Variants in VRTN observed in about 807,000 individuals in gnomAD.
VRTN encodes the protein vertebrae development associated.
In VRTN, 5 loss-of-function variants were observed where a neutral mutation model predicts 18.2. That is an observed-to-expected ratio of 0.27 (90% CI 0.14 to 0.58). The LOEUF is 0.58. Ranked by LOEUF, VRTN falls within the 20% of genes least tolerant of loss-of-function variation. The pLI, the probability that VRTN is intolerant of heterozygous loss-of-function variation, is 0.91. For missense variants in VRTN, 741 were observed against 939.4 expected, an observed-to-expected ratio of 0.79 and a Z score of 2.76; for synonymous variants, 381 against 393.7, an observed-to-expected ratio of 0.97 and a Z score of 0.38.
upstream of VRTN, among the ~76,000 whole-genome samples, chr14:74,347,926 C>G (rs1249872127): frequency 6.6e-6 from 1 of 152,120 alleles, no homozygotes. Flanking sequence ...GGAGATGCAG[C>G]CTTTAGAGAA....
intron 1 of VRTN, among the ~76,000 whole-genome samples, chr14:74,312,173 A>G (rs938078971): frequency 6.6e-6 from 1 of 152,220 alleles, no homozygotes; most frequent in Non-Finnish European, 1.5e-5. Context: ...CTACAGAGGA[A>G]CTATATATCT....
chr14:74,339,099 A>G (rs1401370669), intron 2 of VRTN, among the ~76,000 whole-genome samples: 2 of 151,992 alleles, frequency 1.3e-5, no homozygotes, highest in Non-Finnish European at 2.9e-5. Flanking sequence ...CCTGGCCTCA[A>G]GTGATCCTCC....
At chr14:74,326,577 T>C (rs2036275580) in intron 1 of VRTN, among the ~76,000 whole-genome samples, 2 of 152,164 alleles carry the variant, frequency 1.3e-5, no homozygotes. Context: ...TCGCACCTGC[T>C]GGCAGCGGGG....
At chr14:74,343,821 G>A (rs2085624010), upstream of VRTN, among the ~76,000 whole-genome samples, 1 of 151,778 alleles carries the variant, frequency 6.6e-6, no homozygotes, top group African/African-American at 2.4e-5. Context: ...TTTTAAGACG[G>A]AGTCTCACTC....
intron 1 of VRTN, among the ~76,000 whole-genome samples, chr14:74,329,192 T>C (rs35876267): frequency 0.18 from 26,666 of 151,662 alleles, 3,010 homozygotes; most frequent in East Asian, 0.49. Flanking sequence ...GGAGAATCTC[T>C]TGAATCCAGG....
Position 74,335,941 on chromosome 14 carries a change from A to G in VRTN, c.-163-1782A>G, listed in dbSNP as rs376147741. On this transcript the variant is annotated intron_variant, in intron 1 of 2. Coordinates refer to the VRTN transcript ENST00000557177. ...TCTTTAGTAGAGATGGGGTTTCACC[A>G]TGTTGGCCAGGCTGGTCTCAAACTT... Among the ~76,000 whole-genome samples the G allele has an allele frequency of 1.1e-4, 17 of 151,658 alleles. No individual in the cohort carries two copies. The East Asian group carries it at 2.9e-3, about 26-fold the overall frequency.
chr14:74,309,679 A>G (rs1567037490), intron 1 of VRTN, among the ~76,000 whole-genome samples: 1 of 152,152 alleles, frequency 6.6e-6, no homozygotes, highest in Non-Finnish European at 1.5e-5. Context: ...CCTGGGCAAC[A>G]CAGCGAGACC....
At chr14:74,353,204 G>T (rs185942836) in intron 1 of VRTN, among the ~76,000 whole-genome samples, 2 of 152,118 alleles carry the variant, frequency 1.3e-5, no homozygotes, top group East Asian at 1.9e-4. Flanking sequence ...CAGGAGAATC[G>T]CTTGAACCCT....
At chr14:74,343,990 G>A (rs1384525505), upstream of VRTN, among the ~76,000 whole-genome samples, 1 of 150,934 alleles carries the variant, frequency 6.6e-6, no homozygotes, top group East Asian at 2.0e-4. Flanking sequence ...AGATGCGGGG[G>A]TTTCACCATG....
In VRTN at chr14:74,358,842, T is replaced by C; in HGVS notation, c.2059T>C (p.Tyr687His). The change falls in exon 2 of 2, where the codon TAC (tyrosine) becomes CAC (histidine). Residue 687 changes from tyrosine to histidine, a missense_variant. Physicochemically the swap from Tyr to His is moderately conservative, Grantham distance 83 (BLOSUM62 2). Around this residue, in one of 3 missense-constraint regions of VRTN, gnomAD observed 61 missense variants for 104.6 expected, o/e 0.58. Coordinates refer to ENST00000256362, the MANE Select transcript of VRTN (RefSeq NM_018228.3). This position sits in a 1 kb window ranked among gnomAD's most constrained non-coding sequence, Gnocchi z 5.4. ...TCCCCTCACTGCCCGCTCCACATAC[T>C]ACATGTGGAAGCGAGCCCTCTATGA... ...LFPLTARSTY[Y>H]MWKRALYDGL... is the part of the protein sequence containing the mutation. 1 of 1,614,082 alleles carries C rather than the reference T, an allele frequency of 6.2e-7. No homozygotes were observed. Among genetic ancestry groups the C allele is most frequent in the Non-Finnish European group, 8.5e-7 (1 of 1,179,966 alleles).
rs181325867 is a variant in VRTN at position 74,340,304 on chromosome 14, G to A, written c.-2+2420G>A. Among the ~76,000 whole-genome samples the A allele has an allele frequency of 5.6e-3, 854 of 152,248 alleles. 10 individuals carry two copies. The highest frequency in any genetic ancestry group is 0.019 in the African/African-American group (800 of 41,538). Reference sequence around the variant, plus strand: ...ATTTTGTATTTTTAGTAGAGACGGTGTTTCTCCATGTTGGTCAGGCTGGTC... The same window carrying A: ...ATTTTGTATTTTTAGTAGAGACGGTATTTCTCCATGTTGGTCAGGCTGGTC... On this transcript the variant is annotated intron_variant, in intron 2 of 2. Transcript: ENST00000557177.
At chr14:74,303,843 A>ATTTTTTTTTTTTTTTTTTTTTTTTTT (rs67822776) in intron 1 of VRTN, among the ~76,000 whole-genome samples, 2 of 88,500 alleles carry the variant, frequency 2.3e-5, no homozygotes, top group Non-Finnish European at 2.0e-5. Context: ...ACAATTACAG[A>ATTTTTTTTTTTTTTTTTTTTTTTTTT]TTTTTTTTTT....
At chr14:74,355,323 A>G (rs544308952) in intron 1 of VRTN, among the ~76,000 whole-genome samples, 2 of 152,260 alleles carry the variant, frequency 1.3e-5, no homozygotes, top group African/African-American at 4.8e-5. Context: ...ACCAGTGTCT[A>G]TTAGACTTTC....
In VRTN at chr14:74,336,121, A is replaced by G. The variant is rs116276600; in HGVS notation, c.-163-1602A>G. On this transcript the variant is annotated intron_variant, in intron 1 of 2. Transcript: ENST00000557177. The stretch of plus-strand genomic sequence containing the variant: ...ACAAAACTGAAGTGTGCAAAGTAAA[A>G]AAGCTGGCCAGGTGCGGTGGCTCAC... 6.4e-3 allele frequency among the ~76,000 whole-genome samples: 975 copies of G among 151,632 alleles called. 8 individuals are homozygous for G. The highest frequency in any genetic ancestry group is 0.02 in the African/African-American group (824 of 41,368).
chr14:74,331,042 A>C lies in VRTN; in HGVS notation c.-163-6681A>C, dbSNP rs1411943781. Among the ~76,000 whole-genome samples, 5 of 151,566 alleles carry C rather than the reference A, an allele frequency of 3.3e-5. No individual in the cohort carries two copies. In the South Asian group the frequency reaches 6.3e-4, roughly 19 times the overall value. On this transcript the variant is annotated intron_variant, in intron 1 of 2. Coordinates refer to the VRTN transcript ENST00000557177. ...GTGAAACCCCGTCTCTACTAAAAAAAATACAAAAAATTAGCTGGGCATGGT... is the reference window on the plus strand; with the variant it reads ...GTGAAACCCCGTCTCTACTAAAAAACATACAAAAAATTAGCTGGGCATGGT...
At chr14:74,345,158 T>G (rs1004559097), upstream of VRTN, among the ~76,000 whole-genome samples, 14 of 152,040 alleles carry the variant, frequency 9.2e-5, no homozygotes, top group African/African-American at 3.4e-4. Flanking sequence ...TTGATCCTCC[T>G]GCCTCAGCCC....
At chr14:74,312,703 A>G (rs1487413601) in intron 1 of VRTN, among the ~76,000 whole-genome samples, 2 of 140,998 alleles carry the variant, frequency 1.4e-5, no homozygotes, top group African/African-American at 2.7e-5. Flanking sequence ...TGCCTTCTTC[A>G]CTCTCCCTAA....
Position 74,355,396 on chromosome 14 carries a change from A to T in VRTN, c.-1-1387A>T, listed in dbSNP as rs116972878. 1.1e-3 allele frequency among the ~76,000 whole-genome samples: 168 copies of T among 152,266 alleles called. 4 individuals are homozygous for T. The East Asian group carries it at 0.027, about 25-fold the overall frequency. On this transcript the variant is annotated intron_variant, in intron 1 of 1. Transcript: ENST00000256362. ...AATTTATCAGAAAAGCAGAACAATC[A>T]TCCAATGGAGACATTCATCATACCT...
chr14:74,357,049 C>T lies in VRTN; in HGVS notation c.266C>T (p.Ala89Val), dbSNP rs1208336612. ...GGGGAGGGCAGCCTGCTGTTCGAGG[C>T]GGCCAGCATGCTGCTGTGGGGTGAC... ...CKGEGSLLFE[A>V]ASMLLWGDAG... Residue 89 changes from alanine (A) to valine (V), a missense_variant, in exon 2 of 2, where the codon GCG (alanine) becomes GTG (valine). Ala to Val is a moderately conservative substitution (Grantham distance 64, BLOSUM62 0). This residue lies in a region of VRTN where 186 missense variants were observed against 288.3 expected (regional missense o/e 0.65). Transcript: ENST00000256362. The surrounding 1 kb of genome is among the most constrained non-coding windows in gnomAD (Gnocchi z 7.8). 7 of 1,608,810 alleles carry T rather than the reference C, an allele frequency of 4.4e-6. No homozygotes were observed. Among genetic ancestry groups the T allele is most frequent in the Non-Finnish European group, 5.1e-6 (6 of 1,178,048 alleles).
Sources: gnomAD v4.1 joint callset for allele counts (sites outside exome capture counted in the v4.1 genomes callset) on GRCh38, gnomAD v4.1.1 for gene constraint, gnomAD v4.1.1 regional missense constraint, Gnocchi (gnomAD v3.1) non-coding constraint, MANE v1.5 for transcripts, NCBI Gene and HGNC (gene_info 2026-07-23, HGNC 2026-07-21) for gene names.